PARD6B: variants seen among roughly 807,000 people sequenced by gnomAD.
PARD6B encodes the protein par-6 family cell polarity regulator beta.
Under a neutral mutation model 10.5 loss-of-function variants are expected in PARD6B, and 4 were observed. The ratio of observed to expected loss-of-function variants is 0.38; its 90% CI spans 0.19 to 0.87. The LOEUF is 0.87. PARD6B is among the 40% of genes least tolerant of loss of function. The pLI, the probability that PARD6B is intolerant of heterozygous loss-of-function variation, is 0.41. For synonymous variants in PARD6B, 169 were observed against 170.4 expected (o/e 0.99, Z 0.07); for missense variants, 396 against 470.6 (o/e 0.84, Z 1.47).
intron 2 of PARD6B, among the ~76,000 whole-genome samples, chr20:50,747,815 G>T (rs1455397927): frequency 2.0e-5 from 3 of 151,944 alleles, no homozygotes; most frequent in African/African-American, 7.3e-5. Context: ...GCAAGATTTT[G>T]CCTAAAAACA....
In PARD6B at chr20:50,751,071, G is replaced by C. The variant is rs138005847; in HGVS notation, c.*583G>C. 32,190 of 504,492 alleles carry C rather than the reference G, an allele frequency of 0.064. 1,166 individuals are homozygous for C. Among genetic ancestry groups the C allele is most frequent in the South Asian group, 0.096 (1,069 of 11,108 alleles). 31.3% of individuals were successfully genotyped at this position (504,492 alleles called of 1,614,324 possible). A position where few individuals can be genotyped will look rare whatever the true frequency, so the allele number is the denominator to read the frequency against. Reference sequence around the variant, plus strand: ...TGCAGCCTCAATCCCCTGGGCTCAAGCAGTCCTCCCACCTCAGCCTCCTGA... The same window carrying C: ...TGCAGCCTCAATCCCCTGGGCTCAACCAGTCCTCCCACCTCAGCCTCCTGA... On this transcript the variant is annotated 3_prime_UTR_variant, in exon 3 of 3. Coordinates refer to ENST00000371610, the MANE Select transcript of PARD6B (RefSeq NM_032521.3).
At chr20:50,743,385 CT>C (rs2087541751) in intron 2 of PARD6B, among the ~76,000 whole-genome samples, 1 of 152,182 alleles carries the variant, frequency 6.6e-6, no homozygotes, top group African/African-American at 2.4e-5. Context: ...TTGCTTTAAA[CT>C]TTGTCTCTCA....
chr20:50,743,274 C>A (rs1478805658), intron 2 of PARD6B, among the ~76,000 whole-genome samples: 1 of 152,190 alleles, frequency 6.6e-6, no homozygotes, highest in Admixed American at 6.5e-5. Context: ...ATCTCTACAT[C>A]CAGACTTCTT....
intron 2 of PARD6B, among the ~76,000 whole-genome samples, chr20:50,747,225 G>C (rs1340950279): frequency 6.6e-6 from 1 of 152,130 alleles, no homozygotes; most frequent in Non-Finnish European, 1.5e-5. Flanking sequence ...AAGAAAACCT[G>C]GGCTCTAGTT....
In PARD6B at chr20:50,737,848, C is replaced by G; in HGVS notation, c.67-9C>G. ...TTTTTTTTAAGTAATATGTTTGTTA[C>G]GTTTATAGTTTGGAGCTGAATTTCG... On this transcript the variant is annotated splice_polypyrimidine_tract_variant and intron_variant, in intron 1 of 2. Coordinates refer to ENST00000371610, the MANE Select transcript of PARD6B (RefSeq NM_032521.3). The G allele has an allele frequency of 6.7e-7, 1 of 1,482,998 alleles. No homozygotes were observed. The highest frequency in any genetic ancestry group is 9.0e-7 in the Non-Finnish European group (1 of 1,105,900). 91.9% of individuals were successfully genotyped at this position (1,482,998 alleles called of 1,614,324 possible).
chr20:50,747,950 G>A (rs2087578508), intron 2 of PARD6B, among the ~76,000 whole-genome samples: 1 of 152,090 alleles, frequency 6.6e-6, no homozygotes, highest in Admixed American at 6.6e-5. Flanking sequence ...CCACCACTGA[G>A]GACAAAATAC....
At chr20:50,733,375 G>T (rs1396111675) in intron 1 of PARD6B, among the ~76,000 whole-genome samples, 1 of 152,210 alleles carries the variant, frequency 6.6e-6, no homozygotes, top group Non-Finnish European at 1.5e-5. Context: ...AGTGAGCCAA[G>T]TTTGCACCAT....
At chr20:50,746,342 A>T (rs1600818745) in intron 2 of PARD6B, among the ~76,000 whole-genome samples, 1 of 152,212 alleles carries the variant, frequency 6.6e-6, no homozygotes, top group Non-Finnish European at 1.5e-5. Context: ...TTCTAGGTGG[A>T]TCCTTGTCTG....
intron 2 of PARD6B, among the ~76,000 whole-genome samples, chr20:50,744,836 A>T (rs1044292821): frequency 1.3e-5 from 2 of 152,202 alleles, no homozygotes; most frequent in Admixed American, 6.5e-5. Flanking sequence ...AAGCCAGGCC[A>T]GGTCCCCTTT....
intron 2 of PARD6B, among the ~76,000 whole-genome samples, chr20:50,748,049 A>G (rs962944139): frequency 1.3e-5 from 2 of 152,232 alleles, no homozygotes; most frequent in Non-Finnish European, 2.9e-5. Context: ...TGAGAGATCA[A>G]GAATTCCTGC....
In PARD6B at chr20:50,751,350, C is replaced by A; in HGVS notation, c.*862C>A. 5.5e-5 allele frequency: 39 copies of A among 706,924 alleles called. No individual in the cohort carries two copies. The highest frequency in any genetic ancestry group is 5.8e-5 in the Non-Finnish European group (36 of 624,724). 43.8% of individuals were successfully genotyped at this position (706,924 alleles called of 1,614,324 possible). The stretch of plus-strand genomic sequence containing the variant: ...ATTTCCAGTTTCTTTTCTTTTCTTT[C>A]TTTTTTTTTTTTTTTTTTTTTTTGA... On this transcript the variant is annotated 3_prime_UTR_variant, in exon 3 of 3. Coordinates refer to ENST00000371610, the MANE Select transcript of PARD6B (RefSeq NM_032521.3).
chr20:50,736,059 A>T (rs1600814424), intron 1 of PARD6B, among the ~76,000 whole-genome samples: 1 of 152,320 alleles, frequency 6.6e-6, no homozygotes, highest in East Asian at 1.9e-4. Flanking sequence ...GGTATGAGTC[A>T]CCTTATTTTC....
At chr20:50,736,642 T>A (rs1950413643) in intron 1 of PARD6B, among the ~76,000 whole-genome samples, 1 of 152,128 alleles carries the variant, frequency 6.6e-6, no homozygotes, top group African/African-American at 2.4e-5. Flanking sequence ...ATTCCCACAG[T>A]GTTATAAATC....
chr20:50,737,764 T>C (rs1363876413), intron 1 of PARD6B, 93 bp from the exon 2 acceptor site: 1 of 801,214 alleles, frequency 1.2e-6, no homozygotes, highest in East Asian at 2.9e-5. Flanking sequence ...AAATACTTGC[T>C]CTGCTCGTTA....
chr20:50,751,416 C>T lies in PARD6B; in HGVS notation c.*928C>T, dbSNP rs866838733. 8.8e-6 allele frequency: 7 copies of T among 799,464 alleles called. No individual in the cohort carries two copies. The African/African-American group carries it at 1.1e-4, about 13-fold the overall frequency. 49.5% of individuals were successfully genotyped at this position (799,464 alleles called of 1,614,324 possible). A position where few individuals can be genotyped will look rare whatever the true frequency, so the allele number is the denominator to read the frequency against. ...TATCGCCCAGGCTGGAGTGCAGTGGCGCGATCTTGGCTCACTGCAAGCTCT... is the reference window on the plus strand; with the variant it reads ...TATCGCCCAGGCTGGAGTGCAGTGGTGCGATCTTGGCTCACTGCAAGCTCT... On this transcript the variant is annotated 3_prime_UTR_variant, in exon 3 of 3. Coordinates refer to ENST00000371610, the MANE Select transcript of PARD6B (RefSeq NM_032521.3).
intron 2 of PARD6B, among the ~76,000 whole-genome samples, chr20:50,743,895 A>AC (rs1281615545): frequency 6.6e-6 from 1 of 151,612 alleles, no homozygotes; most frequent in African/African-American, 2.4e-5. Flanking sequence ...TCTCAAAAAA[A>AC]AAAAAAAAAA....
rs934679501 is a variant in PARD6B at position 50,751,970 on chromosome 20, G to T, written c.*1482G>T. The T allele has an allele frequency of 1.3e-5, 13 of 984,984 alleles. No individual in the cohort carries two copies. Among genetic ancestry groups the T allele is most frequent in the Non-Finnish European group, 1.6e-5 (13 of 829,688 alleles). 61.0% of individuals were successfully genotyped at this position (984,984 alleles called of 1,614,324 possible). On this transcript the variant is annotated 3_prime_UTR_variant, in exon 3 of 3. Transcript: ENST00000371610. The stretch of plus-strand genomic sequence containing the variant: ...CCGCCCATCTCCTCCCAAAGTGCTG[G>T]ATTGCAGGCATGAGCGCCTAGCCAG...
chr20:50,750,130 ATGT>A lies in PARD6B; in HGVS notation c.765_767del (p.Val256del), dbSNP rs763521232. ...GTGAGACCGGCAAACCAGAGGAATA[ATGT>A]TGTGAGGAACAGTCGGACTTCTGGC... On this transcript the variant is annotated inframe_deletion, in exon 3 of 3. Transcript: ENST00000371610. The A allele has an allele frequency of 1.1e-5, 18 of 1,614,104 alleles. No individual in the cohort carries two copies. The highest frequency in any genetic ancestry group is 1.4e-5 in the Non-Finnish European group (17 of 1,180,056).
intron 1 of PARD6B, 115 bp from the exon 2 acceptor site, chr20:50,737,740 CTT>C (rs1469639233): frequency 1.4e-6 from 1 of 699,466 alleles, no homozygotes; most frequent in African/African-American, 1.9e-5. Flanking sequence ...AATAGACAAT[CTT>C]TCCTTAATTA....
Sources: allele counts gnomAD v4.1 joint callset (sites outside exome capture counted in the v4.1 genomes callset), GRCh38; gene constraint gnomAD v4.1.1; transcripts MANE v1.5; gene names NCBI Gene and HGNC (gene_info 2026-07-23, HGNC 2026-07-21).